MITF: variants seen among roughly 807,000 people sequenced by gnomAD.
The protein encoded by MITF is melanocyte inducing transcription factor.
In MITF, 17 loss-of-function variants were observed where a neutral mutation model predicts 60.5. The ratio of observed to expected loss-of-function variants is 0.28; its 90% CI spans 0.19 to 0.42. The LOEUF (loss-of-function observed/expected upper bound fraction) is 0.42. Among genes scored for constraint, MITF ranks in the 10% least tolerant of loss-of-function variants. The pLI is 1.00. For missense variants in MITF, 622 were observed against 683.5 expected (o/e 0.91, Z 1.00); for synonymous variants, 260 against 248.5 (o/e 1.05, Z -0.43).
intron 2 of MITF, among the ~76,000 whole-genome samples, chr3:69,929,315 A>T (rs7430957): frequency 2.6e-5 from 4 of 152,006 alleles, no homozygotes; most frequent in Non-Finnish European, 5.9e-5. Flanking sequence ...CACTGGTAGC[A>T]TGTGGGCTGG....
At chr3:69,852,850 A>G (rs2063848556) in intron 1 of MITF, among the ~76,000 whole-genome samples, 2 of 152,160 alleles carry the variant, frequency 1.3e-5, no homozygotes, top group African/African-American at 4.8e-5. Flanking sequence ...ATTTTACTGA[A>G]GAATACGTAG....
intron 2 of MITF, chr3:69,937,281 A>T (rs1158850442): frequency 6.0e-6 from 1 of 166,502 alleles, no homozygotes; most frequent in Admixed American, 5.7e-5. Context: ...AAAGTGGGAG[A>T]ATTAATCCAC....
chr3:69,830,145 G>A (rs1465424552), intron 1 of MITF, among the ~76,000 whole-genome samples: 1 of 152,112 alleles, frequency 6.6e-6, no homozygotes, highest in Non-Finnish European at 1.5e-5. Context: ...CTGGGGTGAG[G>A]TTCCCTTGCT....
At chr3:69,936,586 G>C (rs981731087) in intron 2 of MITF, 16 of 1,522,280 alleles carry the variant, frequency 1.1e-5, no homozygotes, top group Admixed American at 2.1e-5. Flanking sequence ...CTGTGATAAA[G>C]TTTCCGGTGG....
At chr3:69,945,938 CT>C (rs1268032454) in intron 5 of MITF, among the ~76,000 whole-genome samples, 1 of 152,144 alleles carries the variant, frequency 6.6e-6, no homozygotes, top group African/African-American at 2.4e-5. Context: ...GCATTGCAGT[CT>C]GGTAAAAAAT....
chr3:69,934,008 A>G (rs1474766981), intron 2 of MITF, among the ~76,000 whole-genome samples: 1 of 152,174 alleles, frequency 6.6e-6, no homozygotes, highest in Admixed American at 6.6e-5. Context: ...CAGGGTTAGT[A>G]TCTTTCTCCA....
chr3:69,790,320 G>C (rs934048119), intron 1 of MITF, among the ~76,000 whole-genome samples: 9 of 152,268 alleles, frequency 5.9e-5, no homozygotes, highest in African/African-American at 2.2e-4. Context: ...TGGTTGCTAG[G>C]GGGAGGGGGT....
chr3:69,761,300 G>T (rs2106801740), intron 1 of MITF, among the ~76,000 whole-genome samples: 1 of 152,264 alleles, frequency 6.6e-6, no homozygotes, highest in South Asian at 2.1e-4. Context: ...CAGTATTTAA[G>T]TGTTTTATAT....
At chr3:69,790,222 G>T (rs1479761225) in intron 1 of MITF, among the ~76,000 whole-genome samples, 1 of 152,172 alleles carries the variant, frequency 6.6e-6, no homozygotes, top group Non-Finnish European at 1.5e-5. Flanking sequence ...AGTTAAGTAA[G>T]CCAGTGACAA....
At chr3:69,796,494 C>CTTTTTTGTTTTTT (rs2062830197) in intron 1 of MITF, among the ~76,000 whole-genome samples, 1 of 80,328 alleles carries the variant, frequency 1.2e-5, no homozygotes, top group Non-Finnish European at 2.6e-5. Context: ...CACCGTCTTT[C>CTTTTTTGTTTTTT]TTTTTTTTTT....
intron 1 of MITF, among the ~76,000 whole-genome samples, chr3:69,793,486 C>T (rs2062775530): frequency 6.6e-6 from 1 of 152,174 alleles, no homozygotes; most frequent in Non-Finnish European, 1.5e-5. Flanking sequence ...CTGGCTTCTA[C>T]CCATTAGATG....
intron 5 of MITF, among the ~76,000 whole-genome samples, chr3:69,942,084 C>T (rs1373181003): frequency 6.6e-6 from 1 of 152,140 alleles, no homozygotes; most frequent in East Asian, 1.9e-4. Flanking sequence ...TGAATGCCTT[C>T]TCCAATCCTT....
At chr3:69,958,654 C>T (rs1328128274) in intron 8 of MITF, among the ~76,000 whole-genome samples, 5 of 151,442 alleles carry the variant, frequency 3.3e-5, no homozygotes, top group Admixed American at 2.0e-4. Context: ...GTTTTACCAT[C>T]GTTTATTCTC....
chr3:69,909,421 T>C (rs2065174580), intron 2 of MITF, among the ~76,000 whole-genome samples: 1 of 152,148 alleles, frequency 6.6e-6, no homozygotes, highest in Admixed American at 6.6e-5. Flanking sequence ...GAGTGGGGTG[T>C]TGCTGAAACG....
At chr3:69,918,329 T>C (rs2065384037) in intron 2 of MITF, among the ~76,000 whole-genome samples, 1 of 152,164 alleles carries the variant, frequency 6.6e-6, no homozygotes, top group Non-Finnish European at 1.5e-5. Flanking sequence ...ATTACAGGTG[T>C]GAGTCACCAC....
At chr3:69,808,896 G>C (rs372624290) in intron 1 of MITF, among the ~76,000 whole-genome samples, 25 of 152,290 alleles carry the variant, frequency 1.6e-4, no homozygotes, top group East Asian at 7.7e-4. Flanking sequence ...GTGGAGAAGA[G>C]ATTGAACAGG....
intron 1 of MITF, among the ~76,000 whole-genome samples, chr3:69,800,990 A>G (rs2062910451): frequency 6.6e-6 from 1 of 152,128 alleles, no homozygotes; most frequent in African/African-American, 2.4e-5. Context: ...TATAGGAATA[A>G]AAGTCAGAAA....
intron 1 of MITF, among the ~76,000 whole-genome samples, chr3:69,831,940 G>A (rs1453429398): frequency 2.0e-5 from 3 of 152,266 alleles, no homozygotes; most frequent in South Asian, 4.1e-4. Context: ...CAGGGTGTAC[G>A]CATGCTCAGC....
At chr3:69,749,584 C>T (rs1703853283) in intron 1 of MITF, among the ~76,000 whole-genome samples, 1 of 152,202 alleles carries the variant, frequency 6.6e-6, no homozygotes, top group Admixed American at 6.5e-5. Context: ...CCCAAATATG[C>T]ATTCTTGAAA....
Sources: gnomAD v4.1 joint callset for allele counts (sites outside exome capture counted in the v4.1 genomes callset) on GRCh38, gnomAD v4.1.1 for gene constraint, MANE v1.5 for transcripts, NCBI Gene and HGNC (gene_info 2026-07-23, HGNC 2026-07-21) for gene names.